The following KIAA0586 variants were observed in gnomAD, a reference collection of about 807,000 sequenced individuals.
KIAA0586 encodes the protein protein TALPID3.
KIAA0586 carries 144 observed loss-of-function variants against 169.8 expected under a neutral mutation model. That is an observed-to-expected ratio of 0.85 (90% CI 0.74 to 0.97). The LOEUF is 0.97. Ranked by LOEUF, KIAA0586 falls within the 50% of genes least tolerant of loss-of-function variation. The pLI is 0.00. For synonymous variants in KIAA0586, 625 were observed against 612.4 expected, an observed-to-expected ratio of 1.02 and a Z score of -0.30; for missense variants, 1,854 against 1,823.0, an observed-to-expected ratio of 1.02 and a Z score of -0.31.
chr14:58,457,469 T>C (rs1013579752), intron 10 of KIAA0586, among the ~76,000 whole-genome samples: 1 of 152,216 alleles, frequency 6.6e-6, no homozygotes, highest in African/African-American at 2.4e-5. Context: ...GGTTTCACCA[T>C]GTTGGCCAGG....
At chr14:58,482,139 G>A (rs1595306455) in intron 20 of KIAA0586, among the ~76,000 whole-genome samples, 1 of 151,588 alleles carries the variant, frequency 6.6e-6, no homozygotes, top group Non-Finnish European at 1.5e-5. Context: ...AAGAATGAAA[G>A]TTCGGCCCAG....
At position 58,441,337 on chromosome 14, in the gene KIAA0586, A is replaced by G. The variant is rs1044844835; in HGVS notation, c.411-1369A>G. On this transcript the variant is annotated intron_variant, in intron 4 of 30. Coordinates refer to ENST00000652326, the MANE Select transcript of KIAA0586 (RefSeq NM_001329943.3). ...CACCTCAGCCTCCCGAGTAGCTGGG[A>G]CTACAGGTGTGTGCCACCACACCTG... The G allele has an allele frequency of 7.1e-5, 31 of 437,268 alleles. No individual in the cohort carries two copies. Among genetic ancestry groups the G allele is most frequent in the African/African-American group, 5.5e-4 (27 of 48,986 alleles). The allele number at this position is 437,268 out of a possible 1,614,324, so 27.1% of individuals were successfully genotyped here. A position where few individuals can be genotyped will look rare whatever the true frequency, so the allele number is the denominator to read the frequency against.
At chr14:58,460,860 CAG>C (rs1367458920) in intron 13 of KIAA0586, 124 bp from the exon 14 acceptor site, 4 of 548,690 alleles carry the variant, frequency 7.3e-6, no homozygotes, top group African/African-American at 3.9e-5. Context: ...CTGTTGAAAA[CAG>C]AGGTTATTTT....
chr14:58,436,898 A>T (rs1215624293), intron 4 of KIAA0586, among the ~76,000 whole-genome samples: 8 of 152,248 alleles, frequency 5.3e-5, no homozygotes, highest in Non-Finnish European at 1.0e-4. Context: ...CTTGTGTGTG[A>T]CTGGAGAGAT....
intron 28 of KIAA0586, among the ~76,000 whole-genome samples, chr14:58,510,432 G>C (rs2044307968): frequency 6.6e-6 from 1 of 152,112 alleles, no homozygotes. Flanking sequence ...AAACCACAAT[G>C]AGCTACCACC....
Position 58,470,650 on chromosome 14 carries a change from G to T in KIAA0586, c.2480G>T (p.Ser827Ile), listed in dbSNP as rs761659683. The change falls in exon 17 of 31, where the codon AGT becomes ATT. Residue 827 changes from serine (S) to isoleucine (I), a missense_variant. Physicochemically the swap from Ser to Ile is moderately radical, Grantham distance 142. Transcript: ENST00000652326. Reference sequence around the variant, plus strand: ...GTAGATATTGACAGCATTTCAAATAGTAGTGCTGATGTCCTTTCACCTCTG... The same window carrying T: ...GTAGATATTGACAGCATTTCAAATATTAGTGCTGATGTCCTTTCACCTCTG... Reference protein sequence around the residue: ...PSVDIDSISNSSADVLSPLSS... With the variant: ...PSVDIDSISNISADVLSPLSS... 3 of 1,607,012 alleles carry T rather than the reference G, an allele frequency of 1.9e-6. No homozygotes were observed. The East Asian group carries it at 6.7e-5, about 36-fold the overall frequency.
At chr14:58,482,262 C>T (rs566874226) in intron 20 of KIAA0586, among the ~76,000 whole-genome samples, 2 of 151,936 alleles carry the variant, frequency 1.3e-5, no homozygotes, top group African/African-American at 2.4e-5. Context: ...CCCATCTCTA[C>T]TAAAAATACA....
chr14:58,551,895 T>C (rs942243193), downstream of KIAA0586, among the ~76,000 whole-genome samples: 1 of 152,186 alleles, frequency 6.6e-6, no homozygotes, highest in Non-Finnish European at 1.5e-5. Flanking sequence ...ATTTCTGCGA[T>C]GTTACTAAGA....
intron 23 of KIAA0586, 107 bp downstream of exon 23, chr14:58,488,216 C>A: frequency 1.2e-6 from 1 of 858,334 alleles, no homozygotes; most frequent in Non-Finnish European, 1.7e-6. Context: ...AAACCACAGA[C>A]TACCTTATAC....
intron 20 of KIAA0586, among the ~76,000 whole-genome samples, chr14:58,478,312 G>T (rs930054892): frequency 6.6e-6 from 1 of 152,134 alleles, no homozygotes; most frequent in African/African-American, 2.4e-5. Flanking sequence ...GTGAAACCCC[G>T]TCTCTATGAA....
At chr14:58,559,294 T>A in the KIAA0586 span, among the ~76,000 whole-genome samples, 39 of 152,326 alleles carry the variant, frequency 2.6e-4, no homozygotes, top group Non-Finnish European at 4.4e-5. Context: ...GCTCAATTTT[T>A]AGCCTTTCTG....
chr14:58,524,392 C>T (rs1429879458), intron 29 of KIAA0586, among the ~76,000 whole-genome samples: 1 of 152,176 alleles, frequency 6.6e-6, no homozygotes, highest in Non-Finnish European at 1.5e-5. Flanking sequence ...CTTTAACAGA[C>T]ATAGAATTCT....
intron 17 of KIAA0586, 106 bp from the exon 18 acceptor site, chr14:58,472,093 G>C: frequency 6.0e-6 from 3 of 497,618 alleles, no homozygotes; most frequent in Non-Finnish European, 1.1e-5. Flanking sequence ...TGATTAAAAA[G>C]GACCATGTAA....
intron 4 of KIAA0586, among the ~76,000 whole-genome samples, chr14:58,440,421 T>A (rs2038225872): frequency 6.6e-6 from 1 of 152,200 alleles, no homozygotes. Flanking sequence ...AACCTCCGTC[T>A]CCTGGGTTCA....
At position 58,488,708 on chromosome 14, in the gene KIAA0586, A is replaced by G; in HGVS notation, c.3615A>G (p.Pro1205=). 6.2e-7 allele frequency: 1 copy of G among 1,613,822 alleles called. No homozygotes were observed. The highest frequency in any genetic ancestry group is 8.5e-7 in the Non-Finnish European group (1 of 1,179,834). The change falls in exon 24 of 31, where the codon CCA becomes CCG. Residue 1205 remains proline, a synonymous_variant. Transcript: ENST00000652326. ...CTCCAGAGCCAGTTCCCTTTATGCC[A>G]TTTCCTGCCGGCACCAAGGCCCCTT... ...PPPPEPVPFM[P]FPAGTKAPSP... is the part of the protein sequence containing the mutation.
At chr14:58,540,280 C>A in intron 30 of KIAA0586, 144 bp downstream of exon 30, 1 of 569,482 alleles carries the variant, frequency 1.8e-6, no homozygotes. Flanking sequence ...TAAATTCACC[C>A]CAGGTTACAA....
intron 29 of KIAA0586, among the ~76,000 whole-genome samples, chr14:58,513,974 A>G (rs1418210076): frequency 6.6e-6 from 1 of 152,060 alleles, no homozygotes; most frequent in Admixed American, 6.6e-5. Context: ...TACATTTGAA[A>G]TGTTTTACAT....
chr14:58,528,093 A>C (rs2045715109), intron 29 of KIAA0586, among the ~76,000 whole-genome samples: 1 of 152,206 alleles, frequency 6.6e-6, no homozygotes, highest in African/African-American at 2.4e-5. Context: ...AACAAAGATA[A>C]AAAAAGACAA....
intron 20 of KIAA0586, among the ~76,000 whole-genome samples, chr14:58,482,168 G>A (rs765556134): frequency 5.3e-5 from 8 of 151,676 alleles, no homozygotes; most frequent in South Asian, 2.1e-4. Context: ...GCTGTCGCCC[G>A]TAATACCAGC....
Sources: gnomAD v4.1 joint callset for allele counts (sites outside exome capture counted in the v4.1 genomes callset) on GRCh38, gnomAD v4.1.1 for gene constraint, MANE v1.5 for transcripts, NCBI Gene and HGNC (gene_info 2026-07-23, HGNC 2026-07-21) for gene names.